ATP9B: variants seen among roughly 807,000 people sequenced by gnomAD.
ATP9B encodes the protein probable phospholipid-transporting ATPase IIB.
A neutral mutation model predicts 146.1 loss-of-function variants in ATP9B; 110 were observed. The observed-to-expected ratio is 0.75, with a 90% CI of 0.65 to 0.88. The LOEUF (loss-of-function observed/expected upper bound fraction) is 0.88, where lower values mean the gene tolerates loss of function less well. Among genes scored for constraint, ATP9B ranks in the 40% least tolerant of loss-of-function variants. The pLI is 0.00. For missense variants in ATP9B, 1,499 were observed against 1,496.4 expected (o/e 1.00, Z -0.03); for synonymous variants, 604 against 569.7 (o/e 1.06, Z -0.86).
chr18:79,070,277 T>C (rs1402186085), intron 1 of ATP9B, among the ~76,000 whole-genome samples: 2 of 152,252 alleles, frequency 1.3e-5, no homozygotes, highest in African/African-American at 2.4e-5. Context: ...TCACTCAATA[T>C]GTAGTTGCTT....
intron 2 of ATP9B, among the ~76,000 whole-genome samples, chr18:79,101,661 G>T (rs983827117): frequency 6.6e-6 from 1 of 152,350 alleles, no homozygotes; most frequent in Middle Eastern, 3.4e-3. Context: ...AGCAGTGTTT[G>T]AGAGATCCAG....
chr18:79,306,938 A>G (rs200503647), intron 14 of ATP9B, 48 bp from the exon 15 acceptor site: 36 of 1,598,734 alleles, frequency 2.3e-5, no homozygotes, highest in Non-Finnish European at 5.1e-6. Flanking sequence ...TTAACTAGAT[A>G]GTTCTCTTTG....
intron 12 of ATP9B, chr18:79,254,586 A>G (rs1206038782): frequency 6.6e-6 from 1 of 152,310 alleles, no homozygotes; most frequent in Non-Finnish European, 1.5e-5. Context: ...GCAAATAGCA[A>G]CTTCTCATTG....
In ATP9B at chr18:79,356,195, G is replaced by A. The variant is rs553991615; in HGVS notation, c.2904-3159G>A. 8.7e-4 allele frequency among the ~76,000 whole-genome samples: 133 copies of A among 152,226 alleles called. 1 individual carries two copies. The highest frequency in any genetic ancestry group is 3.5e-3 in the South Asian group (17 of 4,806). On this transcript the variant is annotated intron_variant, in intron 25 of 29. Coordinates refer to ENST00000426216, the MANE Select transcript of ATP9B (RefSeq NM_198531.5). The stretch of plus-strand genomic sequence containing the variant: ...ACCAGGTTAGACCACAGGATGCTCC[G>A]CCTCACGCCTGCCAGAATTGTGAGG...
At chr18:79,154,304 T>C (rs1445583628) in intron 6 of ATP9B, among the ~76,000 whole-genome samples, 200 bp from the exon 7 acceptor site, 3 of 152,052 alleles carry the variant, frequency 2.0e-5, no homozygotes, top group South Asian at 2.1e-4. Context: ...GGCTCACTTA[T>C]GGGGAAAAAA....
At chr18:79,317,651 G>A (rs772863325) in intron 15 of ATP9B, among the ~76,000 whole-genome samples, 4 of 152,180 alleles carry the variant, frequency 2.6e-5, no homozygotes, top group Admixed American at 2.6e-4. Context: ...TTACTCTAAG[G>A]TCCTTAGAGT....
chr18:79,071,399 C>CTTTTTTTTTTTTTTTTTTTTTTTTTTTTT lies in ATP9B; in HGVS notation c.119+1884_119+1885insTTTTTTTTTTTTTTTTTTTTTTTTTTTTT, dbSNP rs56119715. 2.5e-3 allele frequency among the ~76,000 whole-genome samples: 174 copies of CTTTTTTTTTTTTTTTTTTTTTTTTTTTTT among 69,264 alleles called. 45 individuals carry two copies. Among genetic ancestry groups the CTTTTTTTTTTTTTTTTTTTTTTTTTTTTT allele is most frequent in the Admixed American group, 4.7e-3 (17 of 3,634 alleles). The allele number at this position is 69,264 out of a possible 152,430, so 45.4% of individuals were successfully genotyped here. On this transcript the variant is annotated intron_variant, in intron 1 of 29. Transcript: ENST00000426216. ...ATTTCCCCTTTTTCTATTGTTCTTC[C>CTTTTTTTTTTTTTTTTTTTTTTTTTTTTT]TTTTTTTTTTTTTTGAGACAGGGTC...
intron 17 of ATP9B, 113 bp downstream of exon 17, chr18:79,330,217 A>G: frequency 2.1e-6 from 2 of 964,514 alleles, no homozygotes; most frequent in Non-Finnish European, 3.2e-6. Context: ...AGATGACAGG[A>G]AAAGGATATC....
At chr18:79,087,102 G>T (rs1268519917) in intron 1 of ATP9B, among the ~76,000 whole-genome samples, 1 of 152,226 alleles carries the variant, frequency 6.6e-6, no homozygotes, top group Non-Finnish European at 1.5e-5. Flanking sequence ...CCTTCTTGGT[G>T]TGTCCTCACA....
At position 79,238,393 on chromosome 18, in the gene ATP9B, C is replaced by A. The variant is rs568802093; in HGVS notation, c.1108-14988C>A. 5.9e-4 allele frequency among the ~76,000 whole-genome samples: 90 copies of A among 152,322 alleles called. 1 individual carries two copies. The highest frequency in any genetic ancestry group is 8.8e-5 in the Non-Finnish European group (6 of 68,030). On this transcript the variant is annotated intron_variant, in intron 11 of 29. Coordinates refer to ENST00000426216, the MANE Select transcript of ATP9B (RefSeq NM_198531.5). ...GATTGTGGGCATCACGTCTCCGGTG[C>A]AGGCCAGGAACACATCAGGAGCATG...
chr18:79,368,489 C>G (rs1425417489), intron 26 of ATP9B, among the ~76,000 whole-genome samples: 1 of 152,196 alleles, frequency 6.6e-6, no homozygotes. Flanking sequence ...GGCCCAGTTG[C>G]GAGCACTCTG....
At chr18:79,162,536 T>C (rs917667307) in intron 7 of ATP9B, among the ~76,000 whole-genome samples, 2 of 152,236 alleles carry the variant, frequency 1.3e-5, no homozygotes, top group Admixed American at 6.5e-5. Context: ...CATTATACTT[T>C]AAGTGTTTGG....
At chr18:79,254,708 C>G (rs1185903656) in intron 12 of ATP9B, 3 of 152,586 alleles carry the variant, frequency 2.0e-5, no homozygotes, top group African/African-American at 7.2e-5. Context: ...CCAGCTTCCC[C>G]GCTCTCCTCT....
chr18:79,163,248 A>T (rs1226274504), intron 7 of ATP9B, among the ~76,000 whole-genome samples: 2 of 152,244 alleles, frequency 1.3e-5, no homozygotes, highest in Non-Finnish European at 2.9e-5. Flanking sequence ...AGTAAAAGTA[A>T]TAACGTTGTT....
intron 9 of ATP9B, among the ~76,000 whole-genome samples, chr18:79,197,672 T>G (rs1241141288): frequency 6.6e-6 from 1 of 151,934 alleles, no homozygotes; most frequent in Admixed American, 6.5e-5. Context: ...TGAAGTTAGA[T>G]GCTAAAGTGG....
At chr18:79,118,711 T>C (rs2094137280) in intron 4 of ATP9B, among the ~76,000 whole-genome samples, 1 of 152,074 alleles carries the variant, frequency 6.6e-6, no homozygotes, top group South Asian at 2.1e-4. Flanking sequence ...ATTATATTTA[T>C]GATTTTAATG....
At chr18:79,213,540 A>G (rs1189414515) in intron 10 of ATP9B, among the ~76,000 whole-genome samples, 1 of 152,174 alleles carries the variant, frequency 6.6e-6, no homozygotes, top group Non-Finnish European at 1.5e-5. Context: ...TACAGTGGAA[A>G]TACACTAAAA....
At chr18:79,289,260 C>T (rs569324097) in intron 13 of ATP9B, among the ~76,000 whole-genome samples, 10 of 152,284 alleles carry the variant, frequency 6.6e-5, no homozygotes, top group African/African-American at 1.9e-4. Context: ...GCCAATCAGA[C>T]GGAGATTTGG....
intron 9 of ATP9B, among the ~76,000 whole-genome samples, chr18:79,196,698 C>T (rs6506741): frequency 0.023 from 3,455 of 152,254 alleles, 143 homozygotes; most frequent in African/African-American, 0.078. Flanking sequence ...GCTAAAGATG[C>T]ATAGTATGCA....
Sources: gnomAD v4.1 joint callset for allele counts (sites outside exome capture counted in the v4.1 genomes callset) on GRCh38, gnomAD v4.1.1 for gene constraint, MANE v1.5 for transcripts, NCBI Gene and HGNC (gene_info 2026-07-23, HGNC 2026-07-21) for gene names.